Variants in ITPR1 observed in about 807,000 individuals in gnomAD.
ITPR1 encodes the protein inositol 1,4,5-trisphosphate-gated calcium channel ITPR1.
In ITPR1, 96 loss-of-function variants were observed where a neutral mutation model predicts 318.4. The ratio of observed to expected loss-of-function variants is 0.30; its 90% confidence interval spans 0.26 to 0.36. The LOEUF is 0.36. Among genes scored for constraint, ITPR1 ranks in the 10% least tolerant of loss-of-function variants. The probability of loss-of-function intolerance (pLI) is 1.00; values close to 1 mark genes in which losing one functional copy is unlikely to be tolerated. For missense variants in ITPR1, 2,440 were observed against 3,460.2 expected (o/e 0.71, Z 7.40); for synonymous variants, 1,312 against 1,289.9 (o/e 1.02, Z -0.37).
intron 5 of ITPR1, among the ~76,000 whole-genome samples, chr3:4,628,404 G>A (rs1016888581): frequency 6.6e-6 from 1 of 152,150 alleles, no homozygotes; most frequent in African/African-American, 2.4e-5. Flanking sequence ...TATTAAAGAT[G>A]TGCTCATTCC....
chr3:4,496,635 C>G (rs1038175020), intron 2 of ITPR1, among the ~76,000 whole-genome samples: 7 of 152,102 alleles, frequency 4.6e-5, no homozygotes, highest in Non-Finnish European at 8.8e-5. Context: ...GTCTTTTCTT[C>G]AAAATATTTT....
intron 4 of ITPR1, among the ~76,000 whole-genome samples, chr3:4,540,847 A>G (rs1575465437): frequency 6.6e-6 from 1 of 152,166 alleles, no homozygotes; most frequent in Admixed American, 6.5e-5. Flanking sequence ...AAGTACTGGG[A>G]TTACAGATGT....
intron 60 of ITPR1, among the ~76,000 whole-genome samples, chr3:4,829,969 T>G (rs1428660628): frequency 6.6e-5 from 7 of 106,806 alleles, no homozygotes; most frequent in South Asian, 3.8e-4. Context: ...TTTTTTTTTT[T>G]TTTTTTTTTT....
intron 53 of ITPR1, among the ~76,000 whole-genome samples, chr3:4,798,281 A>T (rs1444536973): frequency 6.6e-6 from 1 of 152,362 alleles, no homozygotes; most frequent in South Asian, 2.1e-4. Context: ...CAATTAAAAC[A>T]GTGGGCAAAG....
intron 4 of ITPR1, among the ~76,000 whole-genome samples, chr3:4,589,238 G>T (rs183501368): frequency 1.7e-4 from 26 of 152,180 alleles, no homozygotes; most frequent in Admixed American, 1.4e-3. Flanking sequence ...ATAAGCAAAA[G>T]GTTCACAAAG....
chr3:4,668,456 T>G (rs1397904393), intron 18 of ITPR1, among the ~76,000 whole-genome samples: 2 of 152,020 alleles, frequency 1.3e-5, no homozygotes, highest in African/African-American at 4.8e-5. Context: ...TGGATCTCAC[T>G]CTTTTCATTC....
intron 39 of ITPR1, among the ~76,000 whole-genome samples, chr3:4,714,822 T>G (rs2041645303): frequency 6.6e-6 from 1 of 152,246 alleles, no homozygotes; most frequent in Admixed American, 6.5e-5. Context: ...GCGTGCCTGT[T>G]TGGGTCTCCC....
In ITPR1 at chr3:4,735,129, T is replaced by A. The variant is rs185333165; in HGVS notation, c.5354-35T>A. 19 of 1,553,244 alleles carry A rather than the reference T, an allele frequency of 1.2e-5. No individual in the cohort carries two copies. In the East Asian group the frequency reaches 4.1e-4, roughly 33 times the overall value. On this transcript the variant is annotated intron_variant, in intron 43 of 61. Transcript: ENST00000649015. ...ATGCAGCAAACATTAGCTGTTCTGA[T>A]TGTGCTTAGTAAAAACAATATTCCA...
At chr3:4,646,443 A>G (rs1559605279) in intron 10 of ITPR1, among the ~76,000 whole-genome samples, 2 of 152,244 alleles carry the variant, frequency 1.3e-5, no homozygotes, top group Non-Finnish European at 2.9e-5. Flanking sequence ...AACGTGAAGC[A>G]GCGTGGGATA....
At chr3:4,832,869 C>T (rs1476080111) in intron 60 of ITPR1, among the ~76,000 whole-genome samples, 1 of 152,184 alleles carries the variant, frequency 6.6e-6, no homozygotes, top group South Asian at 2.1e-4. Flanking sequence ...ACCACTGAGG[C>T]GAGGGGCAGA....
intron 2 of ITPR1, among the ~76,000 whole-genome samples, chr3:4,501,539 C>G (rs1358599681): frequency 1.3e-5 from 2 of 152,202 alleles, no homozygotes; most frequent in African/African-American, 4.8e-5. Context: ...GATGCCTGTC[C>G]CTGTGCTTTT....
intron 4 of ITPR1, among the ~76,000 whole-genome samples, chr3:4,577,065 T>C (rs901192486): frequency 6.6e-6 from 1 of 152,230 alleles, no homozygotes; most frequent in Non-Finnish European, 1.5e-5. Flanking sequence ...AGAACAAGTA[T>C]GGGAATTTTT....
At chr3:4,782,871 C>T (rs1053415434) in intron 50 of ITPR1, 130 bp downstream of exon 50, 13 of 840,230 alleles carry the variant, frequency 1.5e-5, no homozygotes, top group Admixed American at 4.2e-5. Flanking sequence ...CATGAGCCTG[C>T]GGCTCACAGG....
At chr3:4,838,458 T>A (rs973528425) in intron 61 of ITPR1, among the ~76,000 whole-genome samples, 2 of 150,478 alleles carry the variant, frequency 1.3e-5, no homozygotes, top group African/African-American at 4.9e-5. Context: ...TCTTTACACA[T>A]CCAGCAAGCT....
chr3:4,847,490 T>C lies in ITPR1; in HGVS notation c.*1265T>C, dbSNP rs1178314948. On this transcript the variant is annotated 3_prime_UTR_variant, in exon 62 of 62. Transcript: ENST00000649015. ...ATATATAAAAATATTTAATAAATGA[T>C]GCAGAATATACAGTGACTGGTTGGT... 6.6e-6 allele frequency: 1 copy of C among 152,242 alleles called. No homozygotes were observed. The highest frequency in any genetic ancestry group is 1.9e-4 in the East Asian group (1 of 5,200). 9.4% of individuals were successfully genotyped at this position (152,242 alleles called of 1,614,324 possible).
chr3:4,805,704 A>G (rs183191213), intron 54 of ITPR1, among the ~76,000 whole-genome samples: 9 of 152,358 alleles, frequency 5.9e-5, no homozygotes, highest in Admixed American at 5.9e-4. Context: ...AATTCAGAAA[A>G]TGCTTTTGAT....
chr3:4,578,588 CA>C (rs2088944852), intron 4 of ITPR1, among the ~76,000 whole-genome samples: 1 of 152,096 alleles, frequency 6.6e-6, no homozygotes, highest in South Asian at 2.1e-4. Flanking sequence ...TTAGCCTGAC[CA>C]GCTGGTCCTG....
chr3:4,783,932 G>C lies in ITPR1; in HGVS notation c.6615+12G>C. The C allele has an allele frequency of 6.4e-7, 1 of 1,573,540 alleles. No individual in the cohort carries two copies. The highest frequency in any genetic ancestry group is 8.7e-7 in the Non-Finnish European group (1 of 1,153,408). On this transcript the variant is annotated intron_variant, in intron 51 of 61. Coordinates refer to ENST00000649015, the MANE Select transcript of ITPR1 (RefSeq NM_001378452.1). ...CGGCGCAGATAGAGGTAAAAGCTGA[G>C]TAAACTCAGGGCATGGGGTTGTGTT...
At position 4,795,332 on chromosome 3, in the gene ITPR1, A is replaced by G. The variant is rs2047829863; in HGVS notation, c.6931+145A>G. On this transcript the variant is annotated intron_variant, in intron 53 of 61. Transcript: ENST00000649015. ...CAGACAAGAGGAGATTGTAGCTGTT[A>G]CCATAGATTTAGTTTTAAATCTAAC... 14 of 672,492 alleles carry G rather than the reference A, an allele frequency of 2.1e-5. No homozygotes were observed. The South Asian group carries it at 6.4e-4, about 31-fold the overall frequency. 41.7% of individuals were successfully genotyped at this position (672,492 alleles called of 1,614,324 possible).
Sources: gnomAD v4.1 joint callset for allele counts (sites outside exome capture counted in the v4.1 genomes callset) on GRCh38, gnomAD v4.1.1 for gene constraint, MANE v1.5 for transcripts, NCBI Gene and HGNC (gene_info 2026-07-23, HGNC 2026-07-21) for gene names.